PPP1R2: variants seen among roughly 807,000 people sequenced by gnomAD.
The protein encoded by PPP1R2 is protein phosphatase inhibitor 2.
Under a neutral mutation model 29.9 loss-of-function variants are expected in PPP1R2, and 16 were observed. The observed-to-expected ratio is 0.53, with a 90% CI of 0.36 to 0.81. The LOEUF is 0.81. Ranked by LOEUF, PPP1R2 falls within the 30% of genes least tolerant of loss-of-function variation. The pLI, the probability that PPP1R2 is intolerant of heterozygous loss-of-function variation, is 0.00. For missense variants in PPP1R2, 197 were observed against 252.7 expected, an observed-to-expected ratio of 0.78 and a Z score of 1.49; for synonymous variants, 76 against 91.5, an observed-to-expected ratio of 0.83 and a Z score of 0.96.
chr3:195,519,936 C>T (rs1291788627), intron 4 of PPP1R2, among the ~76,000 whole-genome samples: 1 of 146,056 alleles, frequency 6.8e-6, no homozygotes, highest in African/African-American at 2.5e-5. Flanking sequence ...AAAAAAACAA[C>T]AGAAAAGGGG....
Position 195,519,143 on chromosome 3 carries a change from T to C in PPP1R2, c.446A>G (p.Asn149Ser). 4.4e-6 allele frequency: 7 copies of C among 1,607,950 alleles called. No homozygotes were observed. The highest frequency in any genetic ancestry group is 1.1e-5 in the South Asian group (1 of 88,892). ...GGCTAGTTTGATATTGAGTCCTTCA[T>C]TGTAGTGAAGCTTCCTTTTCATTTC... ...QFEMKRKLHYNEGLNIKLARQ... is the reference protein window; with the variant it reads ...QFEMKRKLHYSEGLNIKLARQ... Residue 149 changes from asparagine to serine, a missense_variant, in exon 5 of 6, where the codon AAT becomes AGT. Asn to Ser is a conservative substitution (Grantham distance 46). Transcript: ENST00000618156.
intron 4 of PPP1R2, among the ~76,000 whole-genome samples, chr3:195,520,382 C>T (rs918958231): frequency 2.6e-5 from 4 of 152,128 alleles, no homozygotes; most frequent in African/African-American, 9.7e-5. Flanking sequence ...GATGCTGGGG[C>T]TCATGCCTGT....
intron 1 of PPP1R2, among the ~76,000 whole-genome samples, chr3:195,536,576 G>T (rs1372577141): frequency 2.6e-5 from 4 of 151,974 alleles, no homozygotes; most frequent in Non-Finnish European, 5.9e-5. Flanking sequence ...ATCACCTGAA[G>T]TCAGGAGTTC....
rs1488650997 is a variant in PPP1R2, at chr3:195,522,721, G to T, written c.403+971C>A. 3.3e-5 allele frequency among the ~76,000 whole-genome samples: 5 copies of T among 152,290 alleles called. No homozygotes were observed. In the East Asian group the frequency reaches 9.6e-4, roughly 29 times the overall value. ...CAAATATTAGGCTCAGCCCATCATA[G>T]CTCTGTTGAACAGGCTATATTCTGA... is the stretch of plus-strand genomic sequence containing the variant. On this transcript the variant is annotated intron_variant, in intron 4 of 5. Transcript: ENST00000618156.
In PPP1R2 at chr3:195,529,785, T is replaced by A. The variant is rs1199317400; in HGVS notation, c.230+9A>T. The A allele has an allele frequency of 6.5e-7, 1 of 1,548,470 alleles. No homozygotes were observed. The highest frequency in any genetic ancestry group is 2.3e-5 in the East Asian group (1 of 44,094). ...AGTCACAAGAGGAATGACGTCTACG[T>A]AACATTACCTATGGTAAGGAGTGCT... On this transcript the variant is annotated intron_variant, in intron 2 of 5. Coordinates refer to ENST00000618156, the MANE Select transcript of PPP1R2 (RefSeq NM_006241.8).
intron 3 of PPP1R2, 70 bp from the exon 4 acceptor site, chr3:195,523,856 G>T: frequency 1.6e-6 from 2 of 1,265,338 alleles, no homozygotes; most frequent in Non-Finnish European, 2.3e-6. Flanking sequence ...TTATTCAACT[G>T]TTGATTCTTA....
At chr3:195,519,332 T>C (rs1469127704) in intron 4 of PPP1R2, 147 bp from the exon 5 acceptor site, 2 of 604,780 alleles carry the variant, frequency 3.3e-6, no homozygotes, top group Non-Finnish European at 5.6e-6. Flanking sequence ...CAGAGTTGAG[T>C]AGTTCGTAAT....
chr3:195,533,647 C>T (rs1181089797), intron 1 of PPP1R2, among the ~76,000 whole-genome samples: 1 of 152,240 alleles, frequency 6.6e-6, no homozygotes, highest in East Asian at 1.9e-4. Context: ...AACATGAATC[C>T]ACCATAAAGA....
Position 195,516,687 on chromosome 3 carries a change from G to C in PPP1R2, c.*209C>G. ...GGACTGATGATATTACACTGTATTT[G>C]TGGTAAAGTACTAGGCACAAGAATA... On this transcript the variant is annotated 3_prime_UTR_variant, in exon 6 of 6. Coordinates refer to ENST00000618156, the MANE Select transcript of PPP1R2 (RefSeq NM_006241.8). The C allele has an allele frequency of 1.9e-6, 1 of 518,714 alleles. No homozygotes were observed. The highest frequency in any genetic ancestry group is 3.1e-5 in the South Asian group (1 of 31,766). 32.1% of individuals were successfully genotyped at this position (518,714 alleles called of 1,614,324 possible). A position where few individuals can be genotyped will look rare whatever the true frequency, so the allele number is the denominator to read the frequency against.
intron 1 of PPP1R2, among the ~76,000 whole-genome samples, chr3:195,538,297 T>G (rs1256847291): frequency 1.3e-5 from 2 of 152,244 alleles, no homozygotes; most frequent in Non-Finnish European, 2.9e-5. Context: ...GACTTGCTCA[T>G]TTGATAAGTT....
intron 1 of PPP1R2, 121 bp downstream of exon 1, chr3:195,542,783 G>T: frequency 8.1e-7 from 1 of 1,239,402 alleles, no homozygotes; most frequent in African/African-American, 1.6e-5. Context: ...TAGCCGGGCA[G>T]GAGAAGAGAC....
intron 2 of PPP1R2, 61 bp from the exon 3 acceptor site, chr3:195,524,957 A>G: frequency 4.2e-6 from 6 of 1,421,984 alleles, no homozygotes; most frequent in Admixed American, 1.7e-5. Flanking sequence ...CACAAAAACA[A>G]GGGAGAAAAA....
At chr3:195,525,152 C>T (rs1200252427) in intron 2 of PPP1R2, among the ~76,000 whole-genome samples, 1 of 152,152 alleles carries the variant, frequency 6.6e-6, no homozygotes, top group Non-Finnish European at 1.5e-5. Flanking sequence ...ACAGGATCCA[C>T]ATCCATGAAT....
In PPP1R2 at chr3:195,539,998, C is replaced by T. The variant is rs371100584; in HGVS notation, c.122+2906G>A. Among the ~76,000 whole-genome samples, 67 of 152,302 alleles carry T rather than the reference C, an allele frequency of 4.4e-4. No homozygotes were observed. The South Asian group carries it at 0.013, about 29-fold the overall frequency. The stretch of plus-strand genomic sequence containing the variant: ...ATATTTACGTAAAATAACATCCTCT[C>T]ACAACTGGGGGATGGGTAGGAGTCA... On this transcript the variant is annotated intron_variant, in intron 1 of 5. Coordinates refer to ENST00000618156, the MANE Select transcript of PPP1R2 (RefSeq NM_006241.8).
Position 195,519,027 on chromosome 3 carries a change from A to T in PPP1R2, c.562T>A (p.Ser188Thr). The T allele has an allele frequency of 6.2e-7, 1 of 1,606,276 alleles. No individual in the cohort carries two copies. The highest frequency in any genetic ancestry group is 1.1e-5 in the South Asian group (1 of 90,682). The part of the protein sequence containing the change: ...ADGESMNTEE[S>T]NQGSTPSDQQ... ...TTTCCAAACATCTAACCTTGATTTG[A>T]TTCTTCCGTATTCATGCTTTCTCCA... is the stretch of plus-strand genomic sequence containing the variant. Residue 188 changes from serine (S) to threonine (T), a missense_variant, in exon 5 of 6, where the codon TCA (serine) becomes ACA (threonine). Physicochemically the swap from Ser to Thr is moderately conservative, Grantham distance 58. Transcript: ENST00000618156.
intron 1 of PPP1R2, among the ~76,000 whole-genome samples, chr3:195,540,222 A>C (rs1298795759): frequency 6.6e-6 from 1 of 152,228 alleles, no homozygotes; most frequent in African/African-American, 2.4e-5. Flanking sequence ...CACCGTTCAC[A>C]GCCGAGGTAG....
intron 2 of PPP1R2, chr3:195,529,237 A>G (rs1008241138): frequency 7.9e-5 from 12 of 152,224 alleles, no homozygotes; most frequent in Non-Finnish European, 1.5e-4. Flanking sequence ...TGCTTCTTGC[A>G]TTATTTTTGT....
chr3:195,523,909 T>C (rs1718862736), intron 3 of PPP1R2, 123 bp from the exon 4 acceptor site: 6 of 834,852 alleles, frequency 7.2e-6, no homozygotes, highest in Non-Finnish European at 1.9e-6. Flanking sequence ...TATAACCTGA[T>C]GAGGAAAATA....
intron 5 of PPP1R2, 131 bp from the exon 6 acceptor site, chr3:195,517,073 G>C: frequency 1.5e-6 from 1 of 688,686 alleles, no homozygotes; most frequent in Non-Finnish European, 2.5e-6. Context: ...ATTTCATGTA[G>C]GCTGATTTAG....
Sources: gnomAD v4.1 joint callset for allele counts (sites outside exome capture counted in the v4.1 genomes callset) on GRCh38, gnomAD v4.1.1 for gene constraint, MANE v1.5 for transcripts, NCBI Gene and HGNC (gene_info 2026-07-23, HGNC 2026-07-21) for gene names.